SMG6: variants seen among roughly 807,000 people sequenced by gnomAD.
SMG6 encodes telomerase-binding protein EST1A.
Under a neutral mutation model 142.2 loss-of-function variants are expected in SMG6, and 66 were observed. The ratio of observed to expected loss-of-function variants is 0.46; its 90% CI spans 0.38 to 0.57. SMG6 has a LOEUF of 0.57. Among genes scored for constraint, SMG6 ranks in the 20% least tolerant of loss-of-function variants. The pLI is 0.00. For missense variants in SMG6, 1,793 were observed against 1,832.0 expected (o/e 0.98, Z 0.39); for synonymous variants, 779 against 702.4 (o/e 1.11, Z -1.72).
intron 13 of SMG6, among the ~76,000 whole-genome samples, chr17:2,138,638 A>G (rs74634902): frequency 6.6e-6 from 1 of 152,238 alleles, no homozygotes; most frequent in South Asian, 2.1e-4. Context: ...TAAGTGGTCT[A>G]TGACCCAAGG....
At chr17:2,215,933 T>TC (rs916690252) in intron 10 of SMG6, 1 of 152,044 alleles carries the variant, frequency 6.6e-6, no homozygotes, top group Non-Finnish European at 1.5e-5. Context: ...ACCAACCCCT[T>TC]CCCAAGCCAT....
At chr17:2,286,242 G>C (rs1382069591) in intron 6 of SMG6, among the ~76,000 whole-genome samples, 1 of 138,022 alleles carries the variant, frequency 7.2e-6, no homozygotes, top group East Asian at 2.4e-4. Context: ...AAATTCCAAT[G>C]ATTTTGCAAA....
At chr17:2,219,044 CA>C (rs2073098422) in intron 10 of SMG6, among the ~76,000 whole-genome samples, 1 of 152,188 alleles carries the variant, frequency 6.6e-6, no homozygotes, top group Admixed American at 6.5e-5. Flanking sequence ...ATTTATTCAA[CA>C]AATACATGAA....
intron 6 of SMG6, among the ~76,000 whole-genome samples, chr17:2,284,200 T>A (rs1019416630): frequency 6.6e-6 from 1 of 152,176 alleles, no homozygotes; most frequent in Non-Finnish European, 1.5e-5. Flanking sequence ...ATTATTACAT[T>A]ATTATGTAAT....
intron 12 of SMG6, among the ~76,000 whole-genome samples, chr17:2,185,358 C>T (rs917475807): frequency 2.0e-5 from 3 of 152,000 alleles, no homozygotes; most frequent in Non-Finnish European, 4.4e-5. Flanking sequence ...AGCACAGAGT[C>T]GGACACAACC....
At chr17:2,179,430 T>G (rs2071741658) in intron 12 of SMG6, among the ~76,000 whole-genome samples, 2 of 152,196 alleles carry the variant, frequency 1.3e-5, no homozygotes, top group Non-Finnish European at 2.9e-5. Context: ...GGAAGCTCCC[T>G]AAGGAAGTCA....
At chr17:2,227,777 A>AT (rs2073360219) in intron 10 of SMG6, among the ~76,000 whole-genome samples, 1 of 152,240 alleles carries the variant, frequency 6.6e-6, no homozygotes, top group Admixed American at 6.5e-5. Context: ...GATGATGCAT[A>AT]TAACTCTCAA....
At position 2,156,806 on chromosome 17, in the gene SMG6, G is replaced by A. The variant is rs555840112; in HGVS notation, c.3357+15852C>T. On this transcript the variant is annotated intron_variant, in intron 13 of 18. Transcript: ENST00000263073. ...GTAGCTGGGACTACAAGCATGCAAC[G>A]CCATGCCTGGCTAATTTTTATTTTT... Among the ~76,000 whole-genome samples, 8 of 152,238 alleles carry A rather than the reference G, an allele frequency of 5.3e-5. No homozygotes were observed. The East Asian group carries it at 9.7e-4, about 18-fold the overall frequency.
rs543754304 is a variant in SMG6 at position 2,150,810 on chromosome 17, T to C, written c.3357+21848A>G. Among the ~76,000 whole-genome samples, 5 of 152,176 alleles carry C rather than the reference T, an allele frequency of 3.3e-5. No homozygotes were observed. In the South Asian group the frequency reaches 1.0e-3, roughly 32 times the overall value. ...TTGGTCTAATTAGGATACTTGACAGTGACATCTTACACCGAGGCTGTGAAA... is the reference window on the plus strand; with the variant it reads ...TTGGTCTAATTAGGATACTTGACAGCGACATCTTACACCGAGGCTGTGAAA... On this transcript the variant is annotated intron_variant, in intron 13 of 18. Coordinates refer to ENST00000263073, the MANE Select transcript of SMG6 (RefSeq NM_017575.5).
chr17:2,297,171 G>C, intron 4 of SMG6, 72 bp downstream of exon 4: 1 of 1,058,858 alleles, frequency 9.4e-7, no homozygotes, highest in Admixed American at 2.1e-5. Flanking sequence ...ACAGTGTCTA[G>C]CACATACCTA....
chr17:2,281,828 C>T (rs73303037), intron 8 of SMG6, among the ~76,000 whole-genome samples: 8,696 of 152,198 alleles, frequency 0.057, 811 homozygotes, highest in African/African-American at 0.2. Flanking sequence ...TTCCACCTAC[C>T]GTGCTCTCTC....
In SMG6 at chr17:2,236,304, C is replaced by T. The variant is rs973227512; in HGVS notation, c.2869+188G>A. Among the ~76,000 whole-genome samples, 5 of 148,448 alleles carry T rather than the reference C, an allele frequency of 3.4e-5. No individual in the cohort carries two copies. In the East Asian group the frequency reaches 1.0e-3, roughly 30 times the overall value. On this transcript the variant is annotated intron_variant, in intron 10 of 18. Coordinates refer to ENST00000263073, the MANE Select transcript of SMG6 (RefSeq NM_017575.5). ...TCCCTCCTTCCATCCCACCCAAGCA[C>T]TAGAGAGTCATACAGATTTCAAAGT...
intron 9 of SMG6, among the ~76,000 whole-genome samples, chr17:2,241,897 T>C (rs2073810448): frequency 6.6e-6 from 1 of 152,170 alleles, no homozygotes; most frequent in Admixed American, 6.5e-5. Flanking sequence ...GGGCAAGAAA[T>C]ATCTAGAGTA....
chr17:2,264,271 T>C (rs767682834), intron 8 of SMG6, among the ~76,000 whole-genome samples: 6 of 152,238 alleles, frequency 3.9e-5, no homozygotes, highest in Non-Finnish European at 7.3e-5. Flanking sequence ...CTTGTCTAAC[T>C]TGGCAAGGAG....
intron 8 of SMG6, among the ~76,000 whole-genome samples, chr17:2,256,920 T>C (rs12453323): frequency 0.58 from 87,634 of 151,494 alleles, 26,443 homozygotes; most frequent in East Asian, 0.75. Flanking sequence ...CCACTTCTTT[T>C]TGGAGAGTAA....
chr17:2,214,830 T>C (rs956542936), intron 10 of SMG6, among the ~76,000 whole-genome samples: 9 of 152,318 alleles, frequency 5.9e-5, no homozygotes, highest in African/African-American at 2.2e-4. Flanking sequence ...AAACCTGCTA[T>C]GGCAGGTGAG....
chr17:2,247,229 T>G (rs1380328682), intron 8 of SMG6, among the ~76,000 whole-genome samples: 1 of 152,168 alleles, frequency 6.6e-6, no homozygotes, highest in Admixed American at 6.5e-5. Flanking sequence ...ATGAAGCAAG[T>G]GGTGAAATGA....
chr17:2,109,567 C>T (rs1424187966), intron 13 of SMG6, among the ~76,000 whole-genome samples: 1 of 152,082 alleles, frequency 6.6e-6, no homozygotes, highest in Non-Finnish European at 1.5e-5. Context: ...CATGGCCTTT[C>T]TCATTCTTTA....
intron 10 of SMG6, among the ~76,000 whole-genome samples, chr17:2,216,462 G>C (rs879847081): frequency 1.3e-5 from 2 of 152,082 alleles, no homozygotes; most frequent in Admixed American, 6.5e-5. Context: ...TCATCATCAT[G>C]GAAGTCTTAC....
Sources: gnomAD v4.1 joint callset for allele counts (sites outside exome capture counted in the v4.1 genomes callset) on GRCh38, gnomAD v4.1.1 for gene constraint, MANE v1.5 for transcripts, NCBI Gene and HGNC (gene_info 2026-07-23, HGNC 2026-07-21) for gene names.